ATL3: variants seen among roughly 807,000 people sequenced by gnomAD.
The protein encoded by ATL3 is atlastin GTPase 3.
ATL3 carries 49 observed loss-of-function variants against 69.5 expected under a neutral mutation model. That is an observed-to-expected ratio of 0.71 (90% CI 0.56 to 0.89). The LOEUF (loss-of-function observed/expected upper bound fraction) is 0.89, where lower values mean the gene tolerates loss of function less well. ATL3 is among the 40% of genes least tolerant of loss of function. The pLI, the probability that ATL3 is intolerant of heterozygous loss-of-function variation, is 0.00. For missense variants in ATL3, 606 were observed against 645.7 expected, an observed-to-expected ratio of 0.94 and a Z score of 0.67; for synonymous variants, 214 against 224.1, an observed-to-expected ratio of 0.95 and a Z score of 0.40.
chr11:63,644,148 G>C (rs1361499306), intron 7 of ATL3, 21 bp downstream of exon 7: 2 of 1,489,090 alleles, frequency 1.3e-6, no homozygotes, highest in Non-Finnish European at 1.9e-6. Context: ...TAATTCATCA[G>C]AAGATTATAG....
chr11:63,671,552 G>A, upstream of ATL3: 1 of 1,429,510 alleles, frequency 7.0e-7, no homozygotes, highest in Non-Finnish European at 9.2e-7. Flanking sequence ...GCAGGACGAG[G>A]CTAGGCGAGG....
intron 3 of ATL3, among the ~76,000 whole-genome samples, chr11:63,656,154 G>A (rs1272206433): frequency 6.6e-6 from 1 of 151,618 alleles, no homozygotes; most frequent in Non-Finnish European, 1.5e-5. Flanking sequence ...AACCCGGGAG[G>A]CGGAGCTTGC....
chr11:63,669,517 A>G (rs563629242), intron 1 of ATL3, among the ~76,000 whole-genome samples: 6 of 151,786 alleles, frequency 4.0e-5, no homozygotes, highest in African/African-American at 1.5e-4. Context: ...CCTGGGCGAG[A>G]GAGCAAGACT....
At chr11:63,630,593 C>T (rs879359618) in intron 12 of ATL3, among the ~76,000 whole-genome samples, 2 of 151,914 alleles carry the variant, frequency 1.3e-5, no homozygotes, top group African/African-American at 2.4e-5. Flanking sequence ...GTCAGGAGTT[C>T]GAGACCAGCC....
intron 5 of ATL3, among the ~76,000 whole-genome samples, chr11:63,647,967 A>G (rs1448090244): frequency 6.6e-6 from 1 of 152,226 alleles, no homozygotes; most frequent in African/African-American, 2.4e-5. Context: ...AATTATAAGC[A>G]TACAGTTACC....
intron 7 of ATL3, 66 bp downstream of exon 7, chr11:63,644,103 C>G (rs1353514335): frequency 3.6e-6 from 4 of 1,100,592 alleles, no homozygotes; most frequent in Non-Finnish European, 4.1e-6. Flanking sequence ...ACACAATAGC[C>G]AAAAGCAAAT....
chr11:63,641,516 G>A (rs966462661), intron 8 of ATL3, among the ~76,000 whole-genome samples: 3 of 152,128 alleles, frequency 2.0e-5, no homozygotes, highest in Admixed American at 6.6e-5. Flanking sequence ...CAAAGAAGGC[G>A]GTCATGTGAC....
At position 63,631,440 on chromosome 11, in the gene ATL3, G is replaced by A. The variant is rs1939315306; in HGVS notation, c.1139C>T (p.Pro380Leu). ...ACAGTGCTTCTCCTCTAGAATGTCT[G>A]GAGACAAATAAGGTTTCTCTCCCCC... is the stretch of plus-strand genomic sequence containing the variant. ...VCGGEKPYLS[P>L]DILEEKHCEF... Residue 380 changes from proline to leucine, a missense_variant, in exon 12 of 13, where the codon CCA becomes CTA. Coordinates refer to ENST00000398868, the MANE Select transcript of ATL3 (RefSeq NM_015459.5). 3 of 1,611,336 alleles carry A rather than the reference G, an allele frequency of 1.9e-6. No individual in the cohort carries two copies. Among genetic ancestry groups the A allele is most frequent in the Non-Finnish European group, 1.7e-6 (2 of 1,178,544 alleles).
At chr11:63,669,001 A>ATT (rs199781103) in intron 1 of ATL3, among the ~76,000 whole-genome samples, 1 of 103,188 alleles carries the variant, frequency 9.7e-6, no homozygotes, top group African/African-American at 3.7e-5. Flanking sequence ...CTTTTTTTTA[A>ATT]TTTTTTTTTG....
chr11:63,631,788 C>A (rs1171937164), intron 11 of ATL3, among the ~76,000 whole-genome samples: 1 of 152,136 alleles, frequency 6.6e-6, no homozygotes, highest in African/African-American at 2.4e-5. Context: ...TTGAAATCAG[C>A]CTGGTAAACA....
intron 6 of ATL3, among the ~76,000 whole-genome samples, chr11:63,645,003 C>T (rs1029628909): frequency 2.6e-5 from 4 of 152,080 alleles, no homozygotes; most frequent in African/African-American, 9.7e-5. Context: ...ATCACTTGAA[C>T]CCAGGAGGAG....
intron 8 of ATL3, among the ~76,000 whole-genome samples, chr11:63,639,639 C>T (rs559621700): frequency 1.6e-4 from 25 of 152,096 alleles, no homozygotes; most frequent in African/African-American, 6.0e-4. Flanking sequence ...CCTGTAGTCC[C>T]AGCTACTGAG....
intron 6 of ATL3, 123 bp from the exon 7 acceptor site, chr11:63,644,384 T>TC: frequency 3.8e-6 from 1 of 265,290 alleles, no homozygotes. Flanking sequence ...GGATTTACCT[T>TC]TTTTTTTTTT....
At chr11:63,669,509 T>C (rs1033546404) in intron 1 of ATL3, among the ~76,000 whole-genome samples, 58 of 151,372 alleles carry the variant, frequency 3.8e-4, no homozygotes, top group African/African-American at 1.4e-3. Flanking sequence ...CACTCCACCC[T>C]GGGCGAGAGA....
intron 6 of ATL3, 77 bp from the exon 7 acceptor site, chr11:63,644,338 C>A: frequency 1.2e-6 from 1 of 831,002 alleles, no homozygotes; most frequent in Admixed American, 2.2e-5. Context: ...TACATCTTTG[C>A]ATAATGCCAG....
At chr11:63,669,282 C>T (rs1030174864) in intron 1 of ATL3, among the ~76,000 whole-genome samples, 1 of 152,144 alleles carries the variant, frequency 6.6e-6, no homozygotes, top group African/African-American at 2.4e-5. Context: ...CACCTGCAAT[C>T]CCAGCACTTT....
intron 1 of ATL3, among the ~76,000 whole-genome samples, chr11:63,665,297 G>A (rs1940541628): frequency 6.8e-6 from 1 of 146,244 alleles, no homozygotes; most frequent in African/African-American, 2.6e-5. Flanking sequence ...GGTGAGCTGA[G>A]ATTAAGCCAT....
intron 3 of ATL3, among the ~76,000 whole-genome samples, 196 bp from the exon 4 acceptor site, chr11:63,652,771 G>A (rs1375085818): frequency 6.6e-6 from 1 of 152,158 alleles, no homozygotes; most frequent in East Asian, 1.9e-4. Flanking sequence ...AGATTATCCA[G>A]CGTTATACAG....
Position 63,632,861 on chromosome 11 carries a change from AAGAAATGGTAATAATT to A in ATL3, c.1107+149_1107+164del. Reference sequence around the variant, plus strand: ...CAAAACAAGAACAAACAAACAAACAAAGAAATGGTAATAATTAGAAGGCCCCCGTTACCAGGACAAC... The same window carrying A: ...CAAAACAAGAACAAACAAACAAACAAAGAAGGCCCCCGTTACCAGGACAAC... On this transcript the variant is annotated intron_variant, in intron 11 of 12. Coordinates refer to ENST00000398868, the MANE Select transcript of ATL3 (RefSeq NM_015459.5). The A allele has an allele frequency of 6.5e-6, 5 of 768,864 alleles. No individual in the cohort carries two copies. The South Asian group carries it at 9.2e-5, about 14-fold the overall frequency. The allele number at this position is 768,864 out of a possible 1,614,324, so 47.6% of individuals were successfully genotyped here.
Sources: allele counts gnomAD v4.1 joint callset (sites outside exome capture counted in the v4.1 genomes callset), GRCh38; gene constraint gnomAD v4.1.1; transcripts MANE v1.5; gene names NCBI Gene and HGNC (gene_info 2026-07-23, HGNC 2026-07-21).